SPATA22: variants seen among roughly 807,000 people sequenced by gnomAD.
SPATA22 encodes the protein spermatogenesis-associated protein 22.
Under a neutral mutation model 47.8 loss-of-function variants are expected in SPATA22, and 29 were observed. The observed-to-expected ratio is 0.61, with a 90% CI of 0.45 to 0.83. SPATA22 has a LOEUF of 0.83. SPATA22 is among the 40% of genes least tolerant of loss of function. The probability of loss-of-function intolerance (pLI) is 0.00; values close to 1 mark genes in which losing one functional copy is unlikely to be tolerated. For synonymous variants in SPATA22, 133 were observed against 140.9 expected, an observed-to-expected ratio of 0.94 and a Z score of 0.40; for missense variants, 410 against 421.7, an observed-to-expected ratio of 0.97 and a Z score of 0.24.
intron 1 of SPATA22, among the ~76,000 whole-genome samples, chr17:3,478,089 G>T (rs1217496974): frequency 6.6e-6 from 1 of 152,114 alleles, no homozygotes; most frequent in African/African-American, 2.4e-5. Context: ...GGAGACTGAG[G>T]CAGGAGAATG....
Position 3,477,676 on chromosome 17 carries a change from A to G in SPATA22, c.-73-8278T>C, listed in dbSNP as rs542061214. Among the ~76,000 whole-genome samples the G allele has an allele frequency of 1.1e-4, 16 of 151,624 alleles. No homozygotes were observed. The East Asian group carries it at 2.7e-3, about 26-fold the overall frequency. ...TCCATGTTGGCCAGGCTGGTCTCAA[A>G]CTCCTGGCCTCAGGTGATCTGCCTG... On this transcript the variant is annotated intron_variant, in intron 1 of 8. Transcript: ENST00000541913.
At chr17:3,476,220 C>A, upstream of SPATA22, 1 of 1,614,088 alleles carries the variant, frequency 6.2e-7, no homozygotes, top group Non-Finnish European at 8.5e-7. Flanking sequence ...TGGAGGAACC[C>A]ATGGGAATGA....
Position 3,469,319 on chromosome 17 carries a change from G to T in SPATA22, c.7C>A (p.Arg3=), listed in dbSNP as rs761668938. 1.3e-6 allele frequency: 2 copies of T among 1,568,598 alleles called. No individual in the cohort carries two copies. The highest frequency in any genetic ancestry group is 4.5e-5 in the East Asian group (2 of 44,028). ...CGAGCTGAATTTTCATTTAGGCTTCGCTTCATTTCCTTCAATATCAAAATC... is the reference window on the plus strand; with the variant it reads ...CGAGCTGAATTTTCATTTAGGCTTCTCTTCATTTCCTTCAATATCAAAATC... MK[R]SLNENSARST... The change falls in exon 2 of 9, where the codon CGA becomes AGA. Residue 3 remains arginine, a synonymous_variant. Transcript: ENST00000572969.
At chr17:3,458,855 C>CAAAAAAAAAAAAAAA (rs545223532) in intron 5 of SPATA22, among the ~76,000 whole-genome samples, 416 of 38,344 alleles carry the variant, frequency 0.011, 31 homozygotes, top group Middle Eastern at 0.059. Flanking sequence ...CGAAACTTCA[C>CAAAAAAAAAAAAAAA]AAAAAAAAAA....
In SPATA22 at chr17:3,462,731, G is replaced by C. The variant is rs777837182; in HGVS notation, c.209C>G (p.Pro70Arg). 2 of 1,613,622 alleles carry C rather than the reference G, an allele frequency of 1.2e-6. No homozygotes were observed. Among genetic ancestry groups the C allele is most frequent in the South Asian group, 2.2e-5 (2 of 91,058 alleles). The change falls in exon 4 of 9, where the codon CCT becomes CGT. Residue 70 changes from proline to arginine, a missense_variant. Pro to Arg is a moderately radical substitution (Grantham distance 103, BLOSUM62 -2). Coordinates refer to ENST00000572969, the MANE Select transcript of SPATA22 (RefSeq NM_001170698.2). ...AWEAVNPELA[P>R]VMKTVDTGQI... ...CCCGGTGTCCACTGTTTTCATTACAGGAGCCAACTCTGGATTCACAGCTTC... is the reference window on the plus strand; with the variant it reads ...CCCGGTGTCCACTGTTTTCATTACACGAGCCAACTCTGGATTCACAGCTTC...
intron 1 of SPATA22, among the ~76,000 whole-genome samples, chr17:3,482,752 T>G (rs1445278982): frequency 6.6e-6 from 1 of 151,404 alleles, no homozygotes; most frequent in Non-Finnish European, 1.5e-5. Flanking sequence ...TGGTAGGAGA[T>G]CATAATGTAG....
At chr17:3,505,382 C>T (rs1248730900) in intron 1 of SPATA22, among the ~76,000 whole-genome samples, 1 of 152,220 alleles carries the variant, frequency 6.6e-6, no homozygotes, top group Non-Finnish European at 1.5e-5. Flanking sequence ...GAGCTCAGTG[C>T]GTTTTGCTGG....
Position 3,483,827 on chromosome 17 carries a change from T to C in SPATA22, c.-73-14429A>G, listed in dbSNP as rs532771132. Among the ~76,000 whole-genome samples the C allele has an allele frequency of 8.6e-5, 13 of 151,992 alleles. No individual in the cohort carries two copies. The South Asian group carries it at 1.7e-3, about 19-fold the overall frequency. The stretch of plus-strand genomic sequence containing the variant: ...ACAGGCATGTGCCACCCTGTAATTT[T>C]TGTATTTTTAGTACAGACGGAGTTT... On this transcript the variant is annotated intron_variant, in intron 1 of 8. Coordinates refer to the SPATA22 transcript ENST00000541913.
intron 5 of SPATA22, among the ~76,000 whole-genome samples, chr17:3,451,925 C>T (rs535823332): frequency 7.6e-5 from 11 of 145,150 alleles, no homozygotes; most frequent in African/African-American, 1.0e-4. Flanking sequence ...CCAGCCTGGG[C>T]GACAGAGCGA....
exon 1 of SPATA22, chr17:3,513,699 G>GT (rs1243950966): frequency 1.0e-5 from 5 of 484,168 alleles, no homozygotes; most frequent in Non-Finnish European, 1.8e-5. Flanking sequence ...TACACCAGCT[G>GT]TTTGCCAAGT....
upstream of SPATA22, chr17:3,471,920 T>C: frequency 1.1e-6 from 1 of 949,290 alleles, no homozygotes; most frequent in Non-Finnish European, 1.3e-6. Flanking sequence ...CCGGGCGCGA[T>C]GACGTTAACG....
intron 6 of SPATA22, among the ~76,000 whole-genome samples, chr17:3,447,941 G>C (rs2072764261): frequency 6.6e-6 from 1 of 152,194 alleles, no homozygotes; most frequent in African/African-American, 2.4e-5. Flanking sequence ...TTCCACAACA[G>C]AGAAGGGCAG....
At chr17:3,458,876 A>AAAAAAAAAC (rs1420102243) in intron 5 of SPATA22, among the ~76,000 whole-genome samples, 1 of 151,258 alleles carries the variant, frequency 6.6e-6, no homozygotes, top group Non-Finnish European at 1.5e-5. Flanking sequence ...AAAAAAAAAA[A>AAAAAAAAAC]AAAATTCCAA....
intron 3 of SPATA22, 59 bp downstream of exon 3, chr17:3,467,367 A>G: frequency 7.5e-7 from 1 of 1,338,588 alleles, no homozygotes; most frequent in Non-Finnish European, 1.0e-6. Flanking sequence ...ATAAATTACA[A>G]TTTTCTATAA....
At chr17:3,463,909 T>TCCTCTCCCTCCCCCTCTC (rs2073194487) in intron 3 of SPATA22, among the ~76,000 whole-genome samples, 1 of 89,760 alleles carries the variant, frequency 1.1e-5, no homozygotes, top group Admixed American at 1.2e-4. Flanking sequence ...AAAACACTGA[T>TCCTCTCCCTCCCCCTCTC]CCTCTCCCTC....
intron 1 of SPATA22, among the ~76,000 whole-genome samples, chr17:3,508,897 T>TAAAAAAA (rs59201485): frequency 5.3e-4 from 60 of 112,904 alleles, no homozygotes; most frequent in African/African-American, 7.7e-4. Flanking sequence ...GCTTAAAGTA[T>TAAAAAAA]AAAAAAAAAA....
chr17:3,463,331 T>TG (rs956070126), intron 3 of SPATA22, among the ~76,000 whole-genome samples: 15 of 152,220 alleles, frequency 9.9e-5, no homozygotes, highest in African/African-American at 3.6e-4. Context: ...GAGTACAGCT[T>TG]GCTACACACC....
intron 1 of SPATA22, among the ~76,000 whole-genome samples, chr17:3,477,270 C>T (rs1285734066): frequency 2.0e-5 from 3 of 152,192 alleles, no homozygotes; most frequent in Admixed American, 2.0e-4. Flanking sequence ...GAGATGAGAA[C>T]TAAAGACACC....
intron 1 of SPATA22, chr17:3,498,799 T>C (rs2073951420): frequency 2.0e-5 from 24 of 1,210,498 alleles, no homozygotes; most frequent in Non-Finnish European, 2.5e-5. Context: ...AACAACAGAA[T>C]ACTGTAATTT....
Sources: allele counts gnomAD v4.1 joint callset (sites outside exome capture counted in the v4.1 genomes callset), GRCh38; gene constraint gnomAD v4.1.1; transcripts MANE v1.5; gene names NCBI Gene and HGNC (gene_info 2026-07-23, HGNC 2026-07-21).